CMIP: variants seen among roughly 807,000 people sequenced by gnomAD.
CMIP encodes the protein c-Maf inducing protein.
Under a neutral mutation model 97.3 loss-of-function variants are expected in CMIP, and 13 were observed. The ratio of observed to expected loss-of-function variants is 0.13; its 90% CI spans 0.09 to 0.21. The LOEUF is 0.21. CMIP is among the 10% of genes least tolerant of loss of function. CMIP has a pLI of 1.00. For missense variants in CMIP, 847 were observed against 1,024.9 expected (o/e 0.83, Z 2.37); for synonymous variants, 538 against 436.3 (o/e 1.23, Z -2.91).
chr16:81,705,450 CT>C, intron 18 of CMIP, 48 bp from the exon 19 acceptor site: 1 of 1,362,112 alleles, frequency 7.3e-7, no homozygotes, highest in Non-Finnish European at 1.0e-6. Flanking sequence ...CTCAGAGTCA[CT>C]TCCCCAGGAG....
rs375031003 is a variant in CMIP, at chr16:81,693,535, G to C, written c.1530+48G>C. 3.2e-6 allele frequency: 5 copies of C among 1,580,298 alleles called. No individual in the cohort carries two copies. In the African/African-American group the frequency reaches 6.7e-5, roughly 21 times the overall value. On this transcript the variant is annotated intron_variant, in intron 13 of 20. Transcript: ENST00000537098. ...TCAGGCCGGCTGTCTGGGGATGGCA[G>C]GATGCACGAGGGCCCCTTAGAGGCC...
At chr16:81,551,122 A>C (rs2090648563) in intron 1 of CMIP, among the ~76,000 whole-genome samples, 1 of 135,434 alleles carries the variant, frequency 7.4e-6, no homozygotes, top group Non-Finnish European at 1.6e-5. Flanking sequence ...TCCCAGTTCC[A>C]TCACACGCAC....
At chr16:81,623,963 C>T (rs917560387) in intron 3 of CMIP, among the ~76,000 whole-genome samples, 3 of 152,144 alleles carry the variant, frequency 2.0e-5, no homozygotes, top group East Asian at 1.9e-4. Context: ...TTGATCACAC[C>T]GTGCTTTTCT....
intron 1 of CMIP, among the ~76,000 whole-genome samples, chr16:81,456,169 CG>C (rs1037598902): frequency 1.3e-5 from 2 of 152,278 alleles, no homozygotes; most frequent in African/African-American, 4.8e-5. Flanking sequence ...CAACTGAGCT[CG>C]GGGAGTCCCA....
intron 1 of CMIP, among the ~76,000 whole-genome samples, chr16:81,571,289 G>C (rs761843589): frequency 6.6e-6 from 1 of 152,074 alleles, no homozygotes; most frequent in Non-Finnish European, 1.5e-5. Context: ...GGGCAACATA[G>C]TGAGACCCTG....
At chr16:81,610,807 G>A (rs933630615) in intron 2 of CMIP, among the ~76,000 whole-genome samples, 8 of 152,156 alleles carry the variant, frequency 5.3e-5, no homozygotes, top group East Asian at 1.9e-4. Flanking sequence ...TTGTATTCAC[G>A]TGCCTTTTGT....
chr16:81,665,037 A>G (rs1424966698), intron 7 of CMIP: 2 of 152,462 alleles, frequency 1.3e-5, no homozygotes, highest in East Asian at 1.9e-4. Context: ...AGAGGAGTCT[A>G]CGGGGGCGTA....
chr16:81,626,643 G>A (rs1475958621), intron 3 of CMIP, among the ~76,000 whole-genome samples: 2 of 148,480 alleles, frequency 1.3e-5, no homozygotes, highest in African/African-American at 5.0e-5. Flanking sequence ...GCTTATGAGT[G>A]TGTGTGTGTG....
intron 1 of CMIP, among the ~76,000 whole-genome samples, chr16:81,454,652 C>T (rs529178525): frequency 1.3e-5 from 2 of 152,304 alleles, no homozygotes; most frequent in East Asian, 1.9e-4. Context: ...AGTGAGTGCT[C>T]TCAGGCATGG....
chr16:81,458,970 C>T (rs1399491875), intron 1 of CMIP, among the ~76,000 whole-genome samples: 1 of 152,174 alleles, frequency 6.6e-6, no homozygotes, highest in African/African-American at 2.4e-5. Flanking sequence ...CCTACCATTA[C>T]TGTCATCTCC....
In CMIP at chr16:81,678,362, G is replaced by C; in HGVS notation, c.1122G>C (p.Leu374=). 2 of 1,613,172 alleles carry C rather than the reference G, an allele frequency of 1.2e-6. No homozygotes were observed. Among genetic ancestry groups the C allele is most frequent in the Non-Finnish European group, 1.7e-6 (2 of 1,179,662 alleles). ...DRKPTLPLRL[L]HPSPDLVSQE... ...AGCCCACTTTACCTCTGCGCCTTCT[G>C]CACCCCAGCCCGGACCTGGTGTCTC... The change falls in exon 10 of 21, where the codon CTG becomes CTC. Residue 374 remains leucine (L), a synonymous_variant. Transcript: ENST00000537098.
rs563284616 is a variant in CMIP, at chr16:81,616,438, G to T, written c.427-4438G>T. Among the ~76,000 whole-genome samples, 1 of 152,238 alleles carries T rather than the reference G, an allele frequency of 6.6e-6. No homozygotes were observed. Among genetic ancestry groups the T allele is most frequent in the South Asian group, 2.1e-4 (1 of 4,834 alleles). On this transcript the variant is annotated intron_variant, in intron 2 of 20. Transcript: ENST00000537098. This position sits in a 1 kb window ranked among gnomAD's most constrained non-coding sequence, Gnocchi z 4.7. ...GCTTCCTCATCTGTAAGATGGGTGC[G>T]TTGAGGAGGAGAGGAGGTGTGTGTG... is the stretch of plus-strand genomic sequence containing the variant.
At chr16:81,449,594 ACCCC>A (rs1906078790) in intron 1 of CMIP, among the ~76,000 whole-genome samples, 1 of 145,692 alleles carries the variant, frequency 6.9e-6, no homozygotes, top group South Asian at 2.2e-4. Context: ...TTTGTTACAT[ACCCC>A]CCTTCCCCCC....
intron 1 of CMIP, among the ~76,000 whole-genome samples, chr16:81,560,557 T>A (rs993524780): frequency 6.6e-6 from 1 of 152,194 alleles, no homozygotes; most frequent in Non-Finnish European, 1.5e-5. Context: ...AGCCTAAGTG[T>A]ACAGTGTTTA....
At chr16:81,508,597 A>G (rs2089753438) in intron 1 of CMIP, among the ~76,000 whole-genome samples, 1 of 152,236 alleles carries the variant, frequency 6.6e-6, no homozygotes, top group Non-Finnish European at 1.5e-5. Flanking sequence ...AAATGCAAAA[A>G]TGTCTCTGGG....
chr16:81,483,326 G>T (rs1009500975), intron 1 of CMIP, among the ~76,000 whole-genome samples: 29 of 151,770 alleles, frequency 1.9e-4, no homozygotes, highest in African/African-American at 2.7e-4. Context: ...AATTTACCTG[G>T]TTTTTTTTCT....
Position 81,588,038 on chromosome 16 carries a change from C to T in CMIP, c.301-19529C>T, listed in dbSNP as rs2091410407. On this transcript the variant is annotated intron_variant, in intron 1 of 20. Coordinates refer to ENST00000537098, the MANE Select transcript of CMIP (RefSeq NM_198390.3). Reference sequence around the variant, plus strand: ...CTGCCGGCTCTTGCTTCCCCAGGAACTACTGCATTTGTCTTGATATTATAC... The same window carrying T: ...CTGCCGGCTCTTGCTTCCCCAGGAATTACTGCATTTGTCTTGATATTATAC... Among the ~76,000 whole-genome samples, 5 of 152,180 alleles carry T rather than the reference C, an allele frequency of 3.3e-5. No individual in the cohort carries two copies. The South Asian group carries it at 1.0e-3, about 32-fold the overall frequency.
intron 1 of CMIP, among the ~76,000 whole-genome samples, chr16:81,459,524 G>T (rs528546692): frequency 2.0e-5 from 3 of 152,236 alleles, no homozygotes; most frequent in Non-Finnish European, 2.9e-5. Flanking sequence ...GATATTATTG[G>T]TGGTTTTCAC....
chr16:81,516,223 G>C (rs1271516279), intron 1 of CMIP, among the ~76,000 whole-genome samples: 1 of 152,150 alleles, frequency 6.6e-6, no homozygotes, highest in African/African-American at 2.4e-5. Flanking sequence ...CCCAGCTTTG[G>C]GGTGGTTTCT....
Sources: allele counts gnomAD v4.1 joint callset (sites outside exome capture counted in the v4.1 genomes callset), GRCh38; gene constraint gnomAD v4.1.1; non-coding constraint Gnocchi (gnomAD v3.1); transcripts MANE v1.5; gene names NCBI Gene and HGNC (gene_info 2026-07-23, HGNC 2026-07-21).